FBXO11: variants seen among roughly 807,000 people sequenced by gnomAD.
The protein encoded by FBXO11 is F-box protein 11.
A neutral mutation model predicts 117.0 loss-of-function variants in FBXO11; 13 were observed. The ratio of observed to expected loss-of-function variants is 0.11; its 90% CI spans 0.07 to 0.18. The LOEUF (loss-of-function observed/expected upper bound fraction) is 0.18, where lower values mean the gene tolerates loss of function less well. Ranked by LOEUF, FBXO11 falls within the 10% of genes least tolerant of loss-of-function variation. The pLI, the probability that FBXO11 is intolerant of heterozygous loss-of-function variation, is 1.00. For synonymous variants in FBXO11, 490 were observed against 380.5 expected (o/e 1.29, Z -3.35); for missense variants, 767 against 1,164.4 (o/e 0.66, Z 4.97).
chr2:47,827,373 T>A (rs1414854838), intron 11 of FBXO11, among the ~76,000 whole-genome samples: 1 of 149,310 alleles, frequency 6.7e-6, no homozygotes, highest in Non-Finnish European at 1.5e-5. Flanking sequence ...GTGGCGCACT[T>A]TCGGCTCACT....
At chr2:47,884,611 T>TTTATCATACACA (rs1676677065) in intron 1 of FBXO11, among the ~76,000 whole-genome samples, 2 of 152,222 alleles carry the variant, frequency 1.3e-5, no homozygotes, top group Admixed American at 1.3e-4. Context: ...TGTGTGTATG[T>TTTATCATACACA]TTATCATTGC....
intron 1 of FBXO11, among the ~76,000 whole-genome samples, chr2:47,852,242 G>A (rs529994399): frequency 8.6e-5 from 13 of 151,856 alleles, no homozygotes; most frequent in African/African-American, 1.2e-4. Context: ...CACCTGCCTC[G>A]GCCTCCCAAA....
At chr2:47,852,549 C>T (rs535766109) in intron 1 of FBXO11, among the ~76,000 whole-genome samples, 1 of 152,204 alleles carries the variant, frequency 6.6e-6, no homozygotes, top group South Asian at 2.1e-4. Context: ...TAAATGGTAG[C>T]AAAATAATTT....
At chr2:47,877,310 T>G (rs1033312362) in intron 1 of FBXO11, among the ~76,000 whole-genome samples, 1 of 152,172 alleles carries the variant, frequency 6.6e-6, no homozygotes, top group Non-Finnish European at 1.5e-5. Context: ...ACATACACTT[T>G]AAAATTGTTC....
chr2:47,842,121 T>C (rs1302662973), intron 1 of FBXO11, among the ~76,000 whole-genome samples: 2 of 151,850 alleles, frequency 1.3e-5, no homozygotes, highest in African/African-American at 4.8e-5. Context: ...GTTCAAGCCA[T>C]TCTCCGGCCT....
intron 1 of FBXO11, among the ~76,000 whole-genome samples, chr2:47,851,231 T>A (rs1673834063): frequency 6.6e-6 from 1 of 152,206 alleles, no homozygotes; most frequent in Non-Finnish European, 1.5e-5. Flanking sequence ...TTTTTTCTTT[T>A]CTTTTCTTTT....
At chr2:47,855,045 CA>C (rs1674174074) in intron 1 of FBXO11, among the ~76,000 whole-genome samples, 1 of 151,872 alleles carries the variant, frequency 6.6e-6, no homozygotes, top group Admixed American at 6.6e-5. Context: ...AGAATAAGAA[CA>C]AAATAGAACA....
rs201603297 is a variant in FBXO11 at position 47,822,211 on chromosome 2, C to A, written c.1702+7G>T. 13 of 1,567,610 alleles carry A rather than the reference C, an allele frequency of 8.3e-6. No individual in the cohort carries two copies. Among genetic ancestry groups the A allele is most frequent in the Non-Finnish European group, 1.1e-5 (13 of 1,150,696 alleles). On this transcript the variant is annotated splice_region_variant and intron_variant, in intron 13 of 22. Coordinates refer to ENST00000403359, the MANE Select transcript of FBXO11 (RefSeq NM_001190274.2). ...ATAAGTTTTATAGAACAAAACCATA[C>A]GCTTACCATAAATGTCATTTCCTTC...
rs1268279181 is a variant in FBXO11, at chr2:47,822,212, G to A, written c.1702+6C>T. 1.3e-5 allele frequency: 21 copies of A among 1,566,302 alleles called. No individual in the cohort carries two copies. In the East Asian group the frequency reaches 1.6e-4, roughly 12 times the overall value. The stretch of plus-strand genomic sequence containing the variant: ...TAAGTTTTATAGAACAAAACCATAC[G>A]CTTACCATAAATGTCATTTCCTTCA... On this transcript the variant is annotated splice_donor_region_variant and intron_variant, in intron 13 of 22. Coordinates refer to ENST00000403359, the MANE Select transcript of FBXO11 (RefSeq NM_001190274.2).
intron 11 of FBXO11, among the ~76,000 whole-genome samples, chr2:47,825,752 T>G (rs890657532): frequency 1.3e-5 from 2 of 151,898 alleles, no homozygotes; most frequent in Non-Finnish European, 1.5e-5. Flanking sequence ...AATTTTTGTG[T>G]TTTTAGTAGA....
intron 11 of FBXO11, among the ~76,000 whole-genome samples, chr2:47,827,594 AC>A (rs1309151977): frequency 1.3e-5 from 2 of 152,234 alleles, no homozygotes; most frequent in Non-Finnish European, 2.9e-5. Context: ...GGCATGAGCC[AC>A]TGAACCCGGC....
chr2:47,810,584 G>T, intron 18 of FBXO11, 158 bp from the exon 19 acceptor site: 2 of 524,566 alleles, frequency 3.8e-6, no homozygotes, highest in Admixed American at 3.7e-5. Context: ...GCAATTCAGA[G>T]GTATTAAGGA....
At chr2:47,871,096 G>C (rs1675592286) in intron 1 of FBXO11, among the ~76,000 whole-genome samples, 2 of 152,162 alleles carry the variant, frequency 1.3e-5, no homozygotes, top group African/African-American at 4.8e-5. Context: ...GTTGAGCTTA[G>C]TGACTTCTAA....
Position 47,853,371 on chromosome 2 carries a change from A to G in FBXO11, c.233-13602T>C, listed in dbSNP as rs574351594. 4.6e-5 allele frequency among the ~76,000 whole-genome samples: 7 copies of G among 152,238 alleles called. No homozygotes were observed. The South Asian group carries it at 1.0e-3, about 23-fold the overall frequency. ...AGGCATGAGCCACCGTGCCTGGCCC[A>G]GGAATTAAAAAAATAATAATAATAC... is the stretch of plus-strand genomic sequence containing the variant. On this transcript the variant is annotated intron_variant, in intron 1 of 22. Coordinates refer to ENST00000403359, the MANE Select transcript of FBXO11 (RefSeq NM_001190274.2).
At chr2:47,813,951 T>G in intron 16 of FBXO11, 84 bp from the exon 17 acceptor site, 4 of 988,188 alleles carry the variant, frequency 4.0e-6, no homozygotes, top group Non-Finnish European at 4.8e-6. Flanking sequence ...AGTGGAGAAA[T>G]CCACATAAGT....
intron 11 of FBXO11, among the ~76,000 whole-genome samples, chr2:47,828,990 C>A (rs929454676): frequency 6.6e-6 from 1 of 151,772 alleles, no homozygotes; most frequent in Non-Finnish European, 1.5e-5. Flanking sequence ...TCTTGGGTCA[C>A]TGCAACCTCC....
intron 1 of FBXO11, 36 bp from the exon 2 acceptor site, chr2:47,839,805 C>T: frequency 6.3e-7 from 1 of 1,576,902 alleles, no homozygotes; most frequent in Non-Finnish European, 8.6e-7. Context: ...AAATTATACC[C>T]TTTTTAAAAA....
Position 47,864,038 on chromosome 2 carries a change from A to C in FBXO11, c.233-24269T>G, listed in dbSNP as rs568790649. ...TGAACAAAATGGTAGTCAAGTTACA[A>C]TACGGCATATGTGCTGGAATTTTTA... On this transcript the variant is annotated intron_variant, in intron 1 of 22. Coordinates refer to ENST00000403359, the MANE Select transcript of FBXO11 (RefSeq NM_001190274.2). 1.1e-4 allele frequency among the ~76,000 whole-genome samples: 16 copies of C among 152,270 alleles called. No homozygotes were observed. In the East Asian group the frequency reaches 3.1e-3, roughly 29 times the overall value.
chr2:47,834,936 T>A, intron 5 of FBXO11, 65 bp from the exon 6 acceptor site: 1 of 1,100,506 alleles, frequency 9.1e-7, no homozygotes, highest in Non-Finnish European at 1.3e-6. Flanking sequence ...TAAATTAATG[T>A]ACAATTGCAT....
Sources: gnomAD v4.1 joint callset for allele counts (sites outside exome capture counted in the v4.1 genomes callset) on GRCh38, gnomAD v4.1.1 for gene constraint, MANE v1.5 for transcripts, NCBI Gene and HGNC (gene_info 2026-07-23, HGNC 2026-07-21) for gene names.